Variants in ANKRD30A observed in about 807,000 individuals in gnomAD.
ANKRD30A encodes ankyrin repeat domain-containing protein 30A.
Under a neutral mutation model 166.3 loss-of-function variants are expected in ANKRD30A, and 170 were observed. That is an observed-to-expected ratio of 1.02 (90% CI 0.90 to 1.16). ANKRD30A has a LOEUF of 1.16. ANKRD30A is among the 50% of genes most tolerant of loss of function. ANKRD30A has a pLI of 0.00. For missense variants in ANKRD30A, 1,630 were observed against 1,518.0 expected, an observed-to-expected ratio of 1.07 and a Z score of -1.23; for synonymous variants, 564 against 508.9, an observed-to-expected ratio of 1.11 and a Z score of -1.46.
chr10:37,146,834 T>A lies in ANKRD30A; in HGVS notation c.1456-536T>A, dbSNP rs114505927. 5.1e-3 allele frequency among the ~76,000 whole-genome samples: 777 copies of A among 152,306 alleles called. 10 individuals are homozygous for A. The highest frequency in any genetic ancestry group is 0.018 in the African/African-American group (728 of 41,566). On this transcript the variant is annotated intron_variant, in intron 8 of 35. Transcript: ENST00000361713. ...AGCTAGGTAAGCTACTCTGCCTTCC[T>A]TTATGACTACTTTAATTTGTTTAAC...
At chr10:37,228,271 A>G (rs1456859183) in intron 34 of ANKRD30A, among the ~76,000 whole-genome samples, 2 of 152,036 alleles carry the variant, frequency 1.3e-5, no homozygotes, top group African/African-American at 4.8e-5. Flanking sequence ...ATGAAGAAGC[A>G]TTGTGGTACA....
chr10:37,228,015 C>T (rs1843240806), intron 34 of ANKRD30A, among the ~76,000 whole-genome samples: 1 of 151,920 alleles, frequency 6.6e-6, no homozygotes, highest in East Asian at 1.9e-4. Flanking sequence ...GGTACAGTTC[C>T]TGCATTCCCA....
At chr10:37,161,825 A>G (rs1387949462) in intron 15 of ANKRD30A, among the ~76,000 whole-genome samples, 1 of 152,180 alleles carries the variant, frequency 6.6e-6, no homozygotes, top group Non-Finnish European at 1.5e-5. Context: ...CCATTCCACA[A>G]AAAATTTATT....
At chr10:37,255,442 T>G in the ANKRD30A span, among the ~76,000 whole-genome samples, 13 of 152,348 alleles carry the variant, frequency 8.5e-5, no homozygotes, top group African/African-American at 2.2e-4. Flanking sequence ...ATGGTTTTGG[T>G]TCTATGATTA....
Position 37,193,319 on chromosome 10 carries a change from G to A in ANKRD30A, c.2614+61G>A, listed in dbSNP as rs1012586782. ...AGAATATTAAAATATTTGAAATGCTGTGAGACTTTTCATTCCCAATGTTGT... is the reference window on the plus strand; with the variant it reads ...AGAATATTAAAATATTTGAAATGCTATGAGACTTTTCATTCCCAATGTTGT... On this transcript the variant is annotated intron_variant, in intron 27 of 35. Coordinates refer to ENST00000361713, the MANE Select transcript of ANKRD30A (RefSeq NM_052997.3). The A allele has an allele frequency of 3.3e-6, 5 of 1,530,890 alleles. No homozygotes were observed. In the African/African-American group the frequency reaches 7.0e-5, roughly 21 times the overall value. 94.8% of individuals were successfully genotyped at this position (1,530,890 alleles called of 1,614,324 possible).
intron 31 of ANKRD30A, among the ~76,000 whole-genome samples, chr10:37,206,311 T>G (rs1841991959): frequency 6.6e-6 from 1 of 152,176 alleles, no homozygotes; most frequent in African/African-American, 2.4e-5. Flanking sequence ...TGAGATTGTG[T>G]GTGCTCTGGA....
chr10:37,211,898 T>G (rs1479127439), intron 31 of ANKRD30A, among the ~76,000 whole-genome samples: 1 of 152,076 alleles, frequency 6.6e-6, no homozygotes, highest in East Asian at 1.9e-4. Context: ...TGATGAGCAT[T>G]TTTTCATGTG....
At chr10:37,167,434 C>G (rs2384699) in intron 19 of ANKRD30A, among the ~76,000 whole-genome samples, 1 of 149,190 alleles carries the variant, frequency 6.7e-6, no homozygotes, top group Non-Finnish European at 1.5e-5. Flanking sequence ...ACCTCATTAG[C>G]AAATAACATG....
intron 5 of ANKRD30A, among the ~76,000 whole-genome samples, 185 bp from the exon 6 acceptor site, chr10:37,136,418 ATTTC>A (rs1418925160): frequency 6.6e-6 from 1 of 152,128 alleles, no homozygotes; most frequent in Non-Finnish European, 1.5e-5. Context: ...ATCTTACTTT[ATTTC>A]TTCTTTAATT....
downstream of ANKRD30A, among the ~76,000 whole-genome samples, chr10:37,235,440 A>T (rs1329726406): frequency 1.3e-5 from 2 of 152,156 alleles, no homozygotes; most frequent in Non-Finnish European, 2.9e-5. Context: ...GAATGTGCAA[A>T]CTTATTTGAT....
chr10:37,195,884 C>G (rs1198484731), intron 27 of ANKRD30A, among the ~76,000 whole-genome samples: 1 of 152,016 alleles, frequency 6.6e-6, no homozygotes, highest in African/African-American at 2.4e-5. Flanking sequence ...GATAGAAGGT[C>G]AAGACATAAC....
chr10:37,162,625 TG>T, intron 15 of ANKRD30A, 23 bp from the exon 16 acceptor site: 1 of 1,611,806 alleles, frequency 6.2e-7, no homozygotes, highest in South Asian at 1.1e-5. Context: ...ATATGATTGA[TG>T]ATAAATCTCT....
chr10:37,212,224 AACAG>A (rs1269875050), intron 31 of ANKRD30A, among the ~76,000 whole-genome samples: 3 of 152,082 alleles, frequency 2.0e-5, no homozygotes, highest in African/African-American at 7.2e-5. Flanking sequence ...ATACACCAAT[AACAG>A]ACAAACAGAC....
chr10:37,190,404 G>T (rs71489115), intron 25 of ANKRD30A, among the ~76,000 whole-genome samples: 2 of 151,682 alleles, frequency 1.3e-5, no homozygotes, highest in Non-Finnish European at 2.9e-5. Flanking sequence ...GCATCATGGT[G>T]CTCTTAATTT....
the ANKRD30A span, among the ~76,000 whole-genome samples, chr10:37,257,669 T>C: frequency 0.019 from 2,860 of 152,294 alleles, 83 homozygotes; most frequent in African/African-American, 0.064. Flanking sequence ...CAGTAGTAAT[T>C]CAGGAGCAGC....
chr10:37,224,621 G>A (rs1413696459), intron 34 of ANKRD30A, among the ~76,000 whole-genome samples: 1 of 151,420 alleles, frequency 6.6e-6, no homozygotes, highest in Non-Finnish European at 1.5e-5. Context: ...AAGCCCCCAA[G>A]ACGGCTGCTT....
At chr10:37,196,715 T>A (rs1451660804) in intron 27 of ANKRD30A, among the ~76,000 whole-genome samples, 1 of 152,104 alleles carries the variant, frequency 6.6e-6, no homozygotes, top group Non-Finnish European at 1.5e-5. Context: ...CAAGAAGCAT[T>A]CAGATGAATA....
chr10:37,161,820 C>A lies in ANKRD30A; in HGVS notation c.1901-829C>A, dbSNP rs1415026689. Reference sequence around the variant, plus strand: ...GTGTTGTTTTGGTAAAATTGCCATTCCACAAAAAATTTATTATAGACTAAT... The same window carrying A: ...GTGTTGTTTTGGTAAAATTGCCATTACACAAAAAATTTATTATAGACTAAT... On this transcript the variant is annotated intron_variant, in intron 15 of 35. Coordinates refer to ENST00000361713, the MANE Select transcript of ANKRD30A (RefSeq NM_052997.3). Among the ~76,000 whole-genome samples the A allele has an allele frequency of 3.3e-5, 5 of 152,078 alleles. 1 individual carries two copies. The highest frequency in any genetic ancestry group is 1.3e-4 in the Admixed American group (2 of 15,254).
chr10:37,155,964 C>T (rs940408825), intron 13 of ANKRD30A, among the ~76,000 whole-genome samples: 6 of 151,790 alleles, frequency 4.0e-5, no homozygotes, highest in African/African-American at 1.2e-4. Flanking sequence ...GCCTGTAGTC[C>T]CAGCTACTCT....
Sources: gnomAD v4.1 joint callset for allele counts (sites outside exome capture counted in the v4.1 genomes callset) on GRCh38, gnomAD v4.1.1 for gene constraint, MANE v1.5 for transcripts, NCBI Gene and HGNC (gene_info 2026-07-23, HGNC 2026-07-21) for gene names.